Variants in MSANTD7 observed in about 807,000 individuals in gnomAD.
MSANTD7 encodes Myb/SANT DNA binding domain containing 7.
the MSANTD7 span, chr10:14,840,024 A>C: frequency 6.8e-7 from 1 of 1,480,648 alleles, no homozygotes; most frequent in Non-Finnish European, 9.3e-7. Context: ...GAAATAATTT[A>C]AAATTACATA....
chr10:14,839,840 G>A, the MSANTD7 span: 1 of 1,154,320 alleles, frequency 8.7e-7, no homozygotes, highest in Middle Eastern at 2.1e-4. Context: ...AAGTAACACT[G>A]GTGCACAAAT....
chr10:14,838,787 CT>C, the MSANTD7 span, among the ~76,000 whole-genome samples: 1 of 152,032 alleles, frequency 6.6e-6, no homozygotes, highest in African/African-American at 2.4e-5. Context: ...AGCGGGGCCG[CT>C]GGGTGTCCCG....
chr10:14,838,550 C>G, the MSANTD7 span: 1 of 1,297,788 alleles, frequency 7.7e-7, no homozygotes. Context: ...CGGCGTGTCG[C>G]CGGCCTAGGG....
chr10:14,838,389 G>A, the MSANTD7 span: 8 of 1,599,278 alleles, frequency 5.0e-6, no homozygotes, highest in East Asian at 1.6e-4. Context: ...TGCCGCTGCC[G>A]TCCCTGCTGC....
At chr10:14,838,324 T>C in the MSANTD7 span, 4 of 1,422,352 alleles carry the variant, frequency 2.8e-6, no homozygotes, top group Admixed American at 3.9e-5. Context: ...CCGCGGTGCC[T>C]GATGGGGCCG....
At chr10:14,844,440 T>C in the MSANTD7 span, 1 of 992,318 alleles carries the variant, frequency 1.0e-6, no homozygotes, top group African/African-American at 1.7e-5. Flanking sequence ...GACTGCTTCA[T>C]GGAGTTTGAA....
chr10:14,843,722 T>C, the MSANTD7 span: 1 of 1,537,790 alleles, frequency 6.5e-7, no homozygotes, highest in Non-Finnish European at 8.7e-7. Flanking sequence ...CTGGACAGGC[T>C]GATTGCTATT....
the MSANTD7 span, chr10:14,843,553 A>T: frequency 6.4e-7 from 1 of 1,550,622 alleles, no homozygotes; most frequent in Non-Finnish European, 8.7e-7. Flanking sequence ...CTCCTCTTCG[A>T]GAGCTGGTTT....
the MSANTD7 span, chr10:14,838,674 G>C: frequency 1.9e-6 from 1 of 521,124 alleles, no homozygotes; most frequent in East Asian, 3.4e-5. Flanking sequence ...GGAGGCTCGC[G>C]GCGATGTAGA....
the MSANTD7 span, chr10:14,838,659 G>A: frequency 7.4e-6 from 4 of 537,704 alleles, no homozygotes; most frequent in Admixed American, 1.5e-4. Context: ...CGTCTACTCC[G>A]CGGCGGAGGC....
At chr10:14,844,131 C>T in the MSANTD7 span, 1 of 1,339,328 alleles carries the variant, frequency 7.5e-7, no homozygotes. Flanking sequence ...ACGTTCTAGA[C>T]AGCTGGTTCA....
chr10:14,840,004 T>A, the MSANTD7 span: 1 of 1,581,622 alleles, frequency 6.3e-7, no homozygotes. Flanking sequence ...CCCCCCATTT[T>A]TGTACTTCTG....
chr10:14,844,860 A>G, the MSANTD7 span: 1 of 982,854 alleles, frequency 1.0e-6, no homozygotes, highest in Non-Finnish European at 1.2e-6. Context: ...TTTTTAGCTG[A>G]TTTCATTCTT....
At chr10:14,843,657 G>A in the MSANTD7 span, 1 of 1,549,260 alleles carries the variant, frequency 6.5e-7, no homozygotes, top group Non-Finnish European at 8.7e-7. Context: ...TCGCAGCCGA[G>A]TTGGCAGAAA....
At chr10:14,845,420 T>C in the MSANTD7 span, 1 of 985,292 alleles carries the variant, frequency 1.0e-6, no homozygotes, top group Non-Finnish European at 1.2e-6. Flanking sequence ...AGAGCAGCAG[T>C]GGGAGCGTAC....
chr10:14,846,257 AAC>A, the MSANTD7 span: 7 of 985,248 alleles, frequency 7.1e-6, no homozygotes, highest in Admixed American at 6.2e-5. Flanking sequence ...ATTTTCTGGA[AAC>A]ACAGAAGTAC....
At chr10:14,843,109 G>T in the MSANTD7 span, among the ~76,000 whole-genome samples, 1 of 152,182 alleles carries the variant, frequency 6.6e-6, no homozygotes. Context: ...ATTAATAACT[G>T]GTAGTCAGGA....
the MSANTD7 span, among the ~76,000 whole-genome samples, chr10:14,839,609 A>C: frequency 6.6e-6 from 1 of 151,720 alleles, no homozygotes; most frequent in African/African-American, 2.4e-5. Context: ...GGTAAGAAGG[A>C]AGAGAGGTAG....
At chr10:14,846,737 T>C in the MSANTD7 span, 1 of 985,242 alleles carries the variant, frequency 1.0e-6, no homozygotes, top group Non-Finnish European at 1.2e-6. Flanking sequence ...GGCACTGTCA[T>C]GTAACAAGTA....
Sources: allele counts gnomAD v4.1 joint callset (sites outside exome capture counted in the v4.1 genomes callset), GRCh38; gene constraint gnomAD v4.1.1; transcripts MANE v1.5; gene names NCBI Gene and HGNC (gene_info 2026-07-23, HGNC 2026-07-21).